The following IFFO2 variants were observed in gnomAD, a reference collection of about 807,000 sequenced individuals.
IFFO2 encodes the protein intermediate filament family orphan 2.
A neutral mutation model predicts 53.5 loss-of-function variants in IFFO2; 19 were observed. The observed-to-expected ratio is 0.36, with a 90% CI of 0.25 to 0.52. The LOEUF (loss-of-function observed/expected upper bound fraction) is 0.52. IFFO2 is among the 20% of genes least tolerant of loss of function. The probability of loss-of-function intolerance (pLI) is 0.94; values close to 1 mark genes in which losing one functional copy is unlikely to be tolerated. For missense variants in IFFO2, 570 were observed against 727.4 expected (o/e 0.78, Z 2.49); for synonymous variants, 303 against 313.6 (o/e 0.97, Z 0.36).
rs759093541 is a variant in IFFO2, at chr1:18,955,824, G to A, written c.509C>T (p.Thr170Met). Residue 170 changes from threonine to methionine, a missense_variant, in exon 1 of 9, where the codon ACG (threonine) becomes ATG (methionine). Thr to Met is a moderately conservative substitution (Grantham distance 81, BLOSUM62 -1). Transcript: ENST00000455833. Reference sequence around the variant, plus strand: ...CACGGTCTCCACGCCGCCGCCGCCCGTGCGCCGCACCTGCGTGTAGCTCCA... The same window carrying A: ...CACGGTCTCCACGCCGCCGCCGCCCATGCGCCGCACCTGCGTGTAGCTCCA... Reference protein sequence around the residue: ...TIWSYTQVRRTGGGGVETVQG... With the variant: ...TIWSYTQVRRMGGGGVETVQG... 2.0e-6 allele frequency: 3 copies of A among 1,517,856 alleles called. No individual in the cohort carries two copies. Among genetic ancestry groups the A allele is most frequent in the Admixed American group, 2.0e-5 (1 of 49,430 alleles). 94.0% of individuals were successfully genotyped at this position (1,517,856 alleles called of 1,614,324 possible).
At chr1:18,933,862 T>C (rs1436243615) in intron 1 of IFFO2, among the ~76,000 whole-genome samples, 1 of 152,110 alleles carries the variant, frequency 6.6e-6, no homozygotes, top group Non-Finnish European at 1.5e-5. Flanking sequence ...ATCACCTCCA[T>C]CCATCTCCAG....
intron 8 of IFFO2, 57 bp from the exon 9 acceptor site, chr1:18,908,723 T>A: frequency 7.6e-7 from 1 of 1,310,696 alleles, no homozygotes; most frequent in African/African-American, 1.5e-5. Context: ...CTCTGAAGGG[T>A]CAAGGAGTGG....
chr1:18,912,550 T>C (rs1936056408), intron 5 of IFFO2, among the ~76,000 whole-genome samples: 2 of 152,200 alleles, frequency 1.3e-5, no homozygotes, highest in South Asian at 2.1e-4. Flanking sequence ...ACAGCTAGCA[T>C]GTAGCAGAAA....
chr1:18,925,848 ATGGAT>A (rs1936278405), intron 1 of IFFO2, among the ~76,000 whole-genome samples: 11 of 45,202 alleles, frequency 2.4e-4, no homozygotes, highest in East Asian at 7.9e-4. Context: ...GGATGGATGG[ATGGAT>A]TGGTTGGATG....
chr1:18,921,023 G>A (rs1936208627), intron 2 of IFFO2, 38 bp downstream of exon 2: 2 of 1,539,826 alleles, frequency 1.3e-6, no homozygotes, highest in Non-Finnish European at 1.8e-6. Context: ...TGGCTCTCTG[G>A]CGTGCCTCTC....
intron 1 of IFFO2, among the ~76,000 whole-genome samples, chr1:18,944,454 C>T (rs1936560804): frequency 6.6e-6 from 1 of 152,138 alleles, no homozygotes; most frequent in African/African-American, 2.4e-5. Context: ...GTGTCTAATC[C>T]TAGGCCCTGG....
At chr1:18,948,082 T>G (rs895455163) in intron 1 of IFFO2, among the ~76,000 whole-genome samples, 2 of 152,238 alleles carry the variant, frequency 1.3e-5, no homozygotes, top group Non-Finnish European at 2.9e-5. Flanking sequence ...TGCTTGGGAC[T>G]GCTCCCATAA....
Position 18,921,138 on chromosome 1 carries a change from G to A in IFFO2, c.666-17C>T. ...TCCTCCCACCTGCAAAAGCCAAGAG[G>A]AACAGGTGGTCAGAAGGTGAGTTCC... On this transcript the variant is annotated splice_polypyrimidine_tract_variant and intron_variant, in intron 1 of 8. Transcript: ENST00000455833. 6.4e-7 allele frequency: 1 copy of A among 1,551,354 alleles called. No individual in the cohort carries two copies. Among genetic ancestry groups the A allele is most frequent in the Non-Finnish European group, 8.7e-7 (1 of 1,146,576 alleles).
chr1:18,932,918 G>A (rs1187151008), intron 1 of IFFO2, among the ~76,000 whole-genome samples: 1 of 152,218 alleles, frequency 6.6e-6, no homozygotes, highest in East Asian at 1.9e-4. Flanking sequence ...GGCACCAAGA[G>A]AGCCTTCATG....
intron 1 of IFFO2, among the ~76,000 whole-genome samples, chr1:18,941,544 A>C (rs998566359): frequency 1.3e-5 from 2 of 152,264 alleles, no homozygotes; most frequent in South Asian, 4.1e-4. Context: ...ATGAAAACAC[A>C]GAAACCATCT....
At chr1:18,927,263 C>A (rs957062548) in intron 1 of IFFO2, among the ~76,000 whole-genome samples, 4 of 152,322 alleles carry the variant, frequency 2.6e-5, no homozygotes, top group South Asian at 4.1e-4. Context: ...ATGGCCCACA[C>A]CTTGCGGGAA....
chr1:18,954,109 A>T (rs890733896), intron 1 of IFFO2, among the ~76,000 whole-genome samples: 1 of 152,206 alleles, frequency 6.6e-6, no homozygotes, highest in Non-Finnish European at 1.5e-5. Flanking sequence ...CCTCCAGAGA[A>T]ACAGGTAACC....
chr1:18,941,049 C>T (rs1377852014), intron 1 of IFFO2, among the ~76,000 whole-genome samples: 1 of 152,208 alleles, frequency 6.6e-6, no homozygotes, highest in Non-Finnish European at 1.5e-5. Context: ...GCCCACTCTG[C>T]CACTCTCTAG....
intron 5 of IFFO2, among the ~76,000 whole-genome samples, chr1:18,912,665 A>G (rs1188220437): frequency 1.3e-5 from 2 of 152,230 alleles, no homozygotes; most frequent in Non-Finnish European, 2.9e-5. Context: ...GCCACTAAGC[A>G]TGCAGCAAAA....
intron 1 of IFFO2, among the ~76,000 whole-genome samples, chr1:18,934,860 T>G (rs1569855605): frequency 6.6e-6 from 1 of 152,138 alleles, no homozygotes; most frequent in African/African-American, 2.4e-5. Flanking sequence ...GTTTGATGGG[T>G]CCTCCACTGT....
chr1:18,914,008 T>C (rs1432256537), intron 5 of IFFO2, among the ~76,000 whole-genome samples: 2 of 152,016 alleles, frequency 1.3e-5, no homozygotes, highest in Admixed American at 6.6e-5. Context: ...ATTTTTTGTA[T>C]TTTTAGTAGA....
At chr1:18,948,763 T>G (rs933810115) in intron 1 of IFFO2, among the ~76,000 whole-genome samples, 28 of 152,182 alleles carry the variant, frequency 1.8e-4, no homozygotes, top group Admixed American at 1.8e-3. Flanking sequence ...CTCTCCCAGT[T>G]TCCAGCTTGG....
intron 1 of IFFO2, among the ~76,000 whole-genome samples, chr1:18,943,418 C>T (rs1214334328): frequency 6.6e-6 from 1 of 152,066 alleles, no homozygotes; most frequent in East Asian, 1.9e-4. Context: ...TGTGCAAATC[C>T]CAAAGTACTA....
intron 1 of IFFO2, among the ~76,000 whole-genome samples, chr1:18,922,441 G>A (rs1185740932): frequency 6.6e-6 from 1 of 152,170 alleles, no homozygotes; most frequent in Non-Finnish European, 1.5e-5. Flanking sequence ...GGGGAGGGAG[G>A]GGTGGAGAGC....
Sources: allele counts gnomAD v4.1 joint callset (sites outside exome capture counted in the v4.1 genomes callset), GRCh38; gene constraint gnomAD v4.1.1; transcripts MANE v1.5; gene names NCBI Gene and HGNC (gene_info 2026-07-23, HGNC 2026-07-21).